The following SNX8 variants were observed in gnomAD, a reference collection of about 807,000 sequenced individuals.
The protein encoded by SNX8 is sorting nexin-8.
In SNX8, 25 loss-of-function variants were observed where a neutral mutation model predicts 51.6. The ratio of observed to expected loss-of-function variants is 0.48; its 90% CI spans 0.35 to 0.68. The LOEUF (loss-of-function observed/expected upper bound fraction) is 0.68, where lower values mean the gene tolerates loss of function less well. Among genes scored for constraint, SNX8 ranks in the 30% least tolerant of loss-of-function variants. The pLI, the probability that SNX8 is intolerant of heterozygous loss-of-function variation, is 0.00. For missense variants in SNX8, 695 were observed against 624.0 expected, an observed-to-expected ratio of 1.11 and a Z score of -1.21; for synonymous variants, 324 against 277.0, an observed-to-expected ratio of 1.17 and a Z score of -1.68.
intron 3 of SNX8, among the ~76,000 whole-genome samples, chr7:2,273,799 G>A (rs1435738838): frequency 6.6e-6 from 1 of 151,552 alleles, no homozygotes. Context: ...AGCTACGCGG[G>A]AGGCTGAGGC....
rs1003462531 is a variant in SNX8 at position 2,252,197 on chromosome 7, T to C, written c.*2859A>G. The C allele has an allele frequency of 2.0e-5, 3 of 151,944 alleles. No homozygotes were observed. The highest frequency in any genetic ancestry group is 4.1e-4 in the South Asian group (2 of 4,824). 9.4% of individuals were successfully genotyped at this position (151,944 alleles called of 1,614,324 possible). On this transcript the variant is annotated 3_prime_UTR_variant, in exon 11 of 11. Coordinates refer to ENST00000222990, the MANE Select transcript of SNX8 (RefSeq NM_013321.4). ...CTCACAGGGCAGGCGGCATCTGGCA[T>C]CTCCACCAGCATCACACGCAGCTGT...
Position 2,268,274 on chromosome 7 carries a change from C to T in SNX8, c.621+1285G>A, listed in dbSNP as rs1229609916. Among the ~76,000 whole-genome samples the T allele has an allele frequency of 2.2e-4, 31 of 139,620 alleles. 2 individuals are homozygous for T. The highest frequency in any genetic ancestry group is 8.3e-4 in the African/African-American group (28 of 33,556). 91.6% of individuals were successfully genotyped at this position (139,620 alleles called of 152,430 possible). A position where few individuals can be genotyped will look rare whatever the true frequency, so the allele number is the denominator to read the frequency against. On this transcript the variant is annotated intron_variant, in intron 5 of 10. Coordinates refer to ENST00000222990, the MANE Select transcript of SNX8 (RefSeq NM_013321.4). ...GAGGAGCGTCTCTGCCCGGCCGCCC[C>T]GTCTGAGAAGTGAGGAGACCCTCTG...
At chr7:2,327,747 T>C (rs1778651957) in intron 1 of SNX8, among the ~76,000 whole-genome samples, 3 of 151,862 alleles carry the variant, frequency 2.0e-5, no homozygotes, top group Non-Finnish European at 2.9e-5. Context: ...TTTCACCGTG[T>C]TAGCCAGGAT....
chr7:2,286,810 C>T (rs1796039655), intron 1 of SNX8, among the ~76,000 whole-genome samples: 1 of 151,950 alleles, frequency 6.6e-6, no homozygotes, highest in African/African-American at 2.4e-5. Flanking sequence ...GCCACCGCAA[C>T]CAGCCTAAAT....
chr7:2,335,291 A>T (rs1365598430), intron 1 of SNX8, among the ~76,000 whole-genome samples: 1 of 152,184 alleles, frequency 6.6e-6, no homozygotes, highest in African/African-American at 2.4e-5. Context: ...TGCTCATACA[A>T]TGGATACTAC....
At chr7:2,292,814 T>C (rs1375423951) in intron 1 of SNX8, among the ~76,000 whole-genome samples, 1 of 151,762 alleles carries the variant, frequency 6.6e-6, no homozygotes, top group Non-Finnish European at 1.5e-5. Flanking sequence ...CGAGGCTAGA[T>C]TTGGACACCA....
At chr7:2,278,516 C>G (rs530685449) in intron 1 of SNX8, among the ~76,000 whole-genome samples, 2 of 152,360 alleles carry the variant, frequency 1.3e-5, no homozygotes, top group East Asian at 3.9e-4. Context: ...CAGCCTCCCT[C>G]TGCTGTGTGC....
At chr7:2,301,040 C>A (rs565463635) in intron 1 of SNX8, among the ~76,000 whole-genome samples, 1 of 152,330 alleles carries the variant, frequency 6.6e-6, no homozygotes, top group South Asian at 2.1e-4. Context: ...AATTTACATG[C>A]TCTTTCATTA....
chr7:2,344,437 C>A (rs1029020430), intron 1 of SNX8, among the ~76,000 whole-genome samples: 9 of 148,428 alleles, frequency 6.1e-5, no homozygotes, highest in African/African-American at 2.2e-4. Context: ...TGGTGAAACC[C>A]CGTCTCTACT....
intron 1 of SNX8, among the ~76,000 whole-genome samples, chr7:2,336,528 G>T (rs1778833065): frequency 6.6e-6 from 1 of 151,954 alleles, no homozygotes; most frequent in African/African-American, 2.4e-5. Context: ...CTAACGCAGT[G>T]AAATCCCTTC....
At chr7:2,272,088 G>A (rs1391763585) in intron 3 of SNX8, 117 bp from the exon 4 acceptor site, 6 of 1,419,380 alleles carry the variant, frequency 4.2e-6, no homozygotes, top group Non-Finnish European at 3.8e-6. Flanking sequence ...GGCTAGCAGA[G>A]GGCACTGGCT....
At chr7:2,333,745 C>A (rs2115238143) in intron 1 of SNX8, among the ~76,000 whole-genome samples, 1 of 152,286 alleles carries the variant, frequency 6.6e-6, no homozygotes, top group South Asian at 2.1e-4. Context: ...CAATTAACCT[C>A]ATTGAATGAA....
intron 1 of SNX8, among the ~76,000 whole-genome samples, chr7:2,279,762 G>GAAAAAAAAAAAAAAA (rs796698660): frequency 1.1e-5 from 1 of 94,984 alleles, no homozygotes. Flanking sequence ...CAAAAAAAAA[G>GAAAAAAAAAAAAAAA]AAAAAAAAAA....
chr7:2,317,771 G>A (rs1214665980), upstream of SNX8, among the ~76,000 whole-genome samples: 1 of 152,086 alleles, frequency 6.6e-6, no homozygotes, highest in Non-Finnish European at 1.5e-5. Flanking sequence ...CGCACACCAG[G>A]ACCTCCATGC....
At chr7:2,351,590 C>T (rs530812277) in intron 1 of SNX8, among the ~76,000 whole-genome samples, 14 of 151,392 alleles carry the variant, frequency 9.2e-5, no homozygotes, top group Admixed American at 3.3e-4. Context: ...CCCAGCACTT[C>T]GGGAGGCCAA....
At chr7:2,313,183 G>C (rs963125649) in intron 1 of SNX8, among the ~76,000 whole-genome samples, 1 of 151,920 alleles carries the variant, frequency 6.6e-6, no homozygotes, top group Non-Finnish European at 1.5e-5. Context: ...ACAAGCGTGA[G>C]CCACCGTGCC....
At chr7:2,318,098 T>A (rs138355910), upstream of SNX8, among the ~76,000 whole-genome samples, 34 of 152,284 alleles carry the variant, frequency 2.2e-4, no homozygotes, top group East Asian at 6.4e-3. Context: ...CAGGCTGGAC[T>A]GTAGCTGCCC....
chr7:2,296,887 G>A (rs865836252), intron 1 of SNX8, among the ~76,000 whole-genome samples: 2 of 151,798 alleles, frequency 1.3e-5, no homozygotes, highest in Non-Finnish European at 2.9e-5. Context: ...CTGAGATCAC[G>A]CCATTGCACT....
intron 1 of SNX8, chr7:2,288,319 C>T (rs1020844192): frequency 1.3e-5 from 2 of 149,642 alleles, no homozygotes; most frequent in Admixed American, 1.4e-4. Context: ...CACTGCACTC[C>T]AGCCTAGGCG....
Sources: gnomAD v4.1 joint callset for allele counts (sites outside exome capture counted in the v4.1 genomes callset) on GRCh38, gnomAD v4.1.1 for gene constraint, MANE v1.5 for transcripts, NCBI Gene and HGNC (gene_info 2026-07-23, HGNC 2026-07-21) for gene names.